LRRN2: variants seen among roughly 807,000 people sequenced by gnomAD.
The protein encoded by LRRN2 is leucine-rich repeat neuronal protein 2.
In LRRN2, 10 loss-of-function variants were observed where a neutral mutation model predicts 35.7. That is an observed-to-expected ratio of 0.28 (90% CI 0.17 to 0.47). The LOEUF is 0.47. Ranked by LOEUF, LRRN2 falls within the 20% of genes least tolerant of loss-of-function variation. The pLI is 0.99. For missense variants in LRRN2, 731 were observed against 940.3 expected (o/e 0.78, Z 2.91); for synonymous variants, 391 against 409.6 (o/e 0.95, Z 0.55).
At chr1:204,623,036 G>A (rs562484773) in intron 1 of LRRN2, among the ~76,000 whole-genome samples, 1 of 152,234 alleles carries the variant, frequency 6.6e-6, no homozygotes, top group South Asian at 2.1e-4. Flanking sequence ...AATAGAAGTT[G>A]GCTCCTAGGA....
intron 1 of LRRN2, among the ~76,000 whole-genome samples, chr1:204,657,786 TATA>T (rs1427471581): frequency 6.6e-6 from 1 of 152,142 alleles, no homozygotes; most frequent in African/African-American, 2.4e-5. Flanking sequence ...CTTTTGTGGG[TATA>T]ATGTCGTCTC....
intron 1 of LRRN2, among the ~76,000 whole-genome samples, chr1:204,665,296 G>A (rs1229192570): frequency 6.6e-6 from 1 of 152,128 alleles, no homozygotes; most frequent in African/African-American, 2.4e-5. Flanking sequence ...CTTCTTTAAA[G>A]TCTCATTTTT....
rs761785717 is a variant in LRRN2 at position 204,619,197 on chromosome 1, G to A, written c.796C>T (p.Leu266=). Residue 266 remains leucine (L), a synonymous_variant, in exon 2 of 2, where the codon CTA becomes TTA. Coordinates refer to ENST00000367177, the MANE Select transcript of LRRN2 (RefSeq NM_201630.2). ...TGGAGCGGGTTCTTGTTGAGGTCTAGGAACTTGAGCCCGGGCACCTGTTCC... is the reference window on the plus strand; with the variant it reads ...TGGAGCGGGTTCTTGTTGAGGTCTAAGAACTTGAGCCCGGGCACCTGTTCC... ...ALEQVPGLKF[L]DLNKNPLQRV... 6.2e-7 allele frequency: 1 copy of A among 1,614,086 alleles called. No individual in the cohort carries two copies. Among genetic ancestry groups the A allele is most frequent in the Non-Finnish European group, 8.5e-7 (1 of 1,180,018 alleles).
At chr1:204,667,828 C>A (rs777009394) in intron 1 of LRRN2, among the ~76,000 whole-genome samples, 1 of 152,148 alleles carries the variant, frequency 6.6e-6, no homozygotes, top group Non-Finnish European at 1.5e-5. Context: ...GGCTGAGCAA[C>A]TGGGGACAAC....
chr1:204,679,615 G>A (rs1424807693), intron 1 of LRRN2, among the ~76,000 whole-genome samples: 1 of 152,128 alleles, frequency 6.6e-6, no homozygotes, highest in African/African-American at 2.4e-5. Flanking sequence ...TGAAATACAC[G>A]AGTCTGCCTT....
At chr1:204,632,661 G>A (rs536931209) in intron 1 of LRRN2, among the ~76,000 whole-genome samples, 1 of 147,070 alleles carries the variant, frequency 6.8e-6, no homozygotes, top group African/African-American at 2.5e-5. Context: ...GCCACGCGCA[G>A]TGGCCCACAC....
chr1:204,669,205 C>T (rs916888834), intron 1 of LRRN2, among the ~76,000 whole-genome samples: 1 of 152,212 alleles, frequency 6.6e-6, no homozygotes, highest in African/African-American at 2.4e-5. Context: ...ACACTGGAAA[C>T]TCAAAGTGAA....
Position 204,631,280 on chromosome 1 carries a change from A to T in LRRN2, c.-226-11062T>A, listed in dbSNP as rs1286059401. 5.8e-5 allele frequency among the ~76,000 whole-genome samples: 5 copies of T among 86,912 alleles called. No homozygotes were observed. In the East Asian group the frequency reaches 1.7e-3, roughly 30 times the overall value. The allele number at this position is 86,912 out of a possible 152,430, so 57.0% of individuals were successfully genotyped here. A position where few individuals can be genotyped will look rare whatever the true frequency, so the allele number is the denominator to read the frequency against. ...TCTATATATATATATATATATATAT[A>T]TATATATATATATATATATATATGA... is the stretch of plus-strand genomic sequence containing the variant. On this transcript the variant is annotated intron_variant, in intron 1 of 1. Transcript: ENST00000367177.
At chr1:204,645,581 G>A (rs1399275959) in intron 1 of LRRN2, among the ~76,000 whole-genome samples, 3 of 152,186 alleles carry the variant, frequency 2.0e-5, no homozygotes, top group East Asian at 1.9e-4. Context: ...CCATCTCCAT[G>A]TACTGATAAG....
chr1:204,679,376 G>A (rs1490167864), intron 1 of LRRN2, among the ~76,000 whole-genome samples: 5 of 152,340 alleles, frequency 3.3e-5, no homozygotes, highest in African/African-American at 1.2e-4. Flanking sequence ...ACGTTTGAAT[G>A]CTTATTTTGA....
At chr1:204,676,885 A>G (rs1050684131) in intron 1 of LRRN2, among the ~76,000 whole-genome samples, 1 of 152,180 alleles carries the variant, frequency 6.6e-6, no homozygotes, top group Non-Finnish European at 1.5e-5. Context: ...GGAGTCAGAA[A>G]GATTTGGGGG....
intron 1 of LRRN2, among the ~76,000 whole-genome samples, chr1:204,660,037 A>G (rs545653981): frequency 6.6e-6 from 1 of 152,282 alleles, no homozygotes; most frequent in South Asian, 2.1e-4. Flanking sequence ...TTGACACTTT[A>G]CCAAGAACCA....
At chr1:204,629,140 C>G (rs937936160) in intron 1 of LRRN2, 2 of 151,852 alleles carry the variant, frequency 1.3e-5, no homozygotes, top group Non-Finnish European at 2.9e-5. Flanking sequence ...GAGGCAAGGG[C>G]GGGGGGAAGG....
chr1:204,642,248 G>T (rs1343544215), intron 1 of LRRN2, among the ~76,000 whole-genome samples: 1 of 152,154 alleles, frequency 6.6e-6, no homozygotes, highest in African/African-American at 2.4e-5. Flanking sequence ...CATTTCTCTA[G>T]CACCTCTCTC....
chr1:204,617,755 A>C lies in LRRN2; in HGVS notation c.*96T>G. ...TGCCAGGCCTCAAGCACGTGGGTCCATGTCCCTTTCCTGGCAGGGCATCTG... is the reference window on the plus strand; with the variant it reads ...TGCCAGGCCTCAAGCACGTGGGTCCCTGTCCCTTTCCTGGCAGGGCATCTG... On this transcript the variant is annotated 3_prime_UTR_variant, in exon 2 of 2. Coordinates refer to ENST00000367177, the MANE Select transcript of LRRN2 (RefSeq NM_201630.2). The C allele has an allele frequency of 7.2e-7, 1 of 1,391,920 alleles. No individual in the cohort carries two copies. The highest frequency in any genetic ancestry group is 2.3e-5 in the East Asian group (1 of 43,800). The allele number at this position is 1,391,920 out of a possible 1,614,324, so 86.2% of individuals were successfully genotyped here.
intron 1 of LRRN2, among the ~76,000 whole-genome samples, chr1:204,634,304 G>A (rs890454265): frequency 2.0e-5 from 3 of 152,248 alleles, no homozygotes; most frequent in Non-Finnish European, 4.4e-5. Flanking sequence ...AATAGAAGAC[G>A]TGGAGGAGAG....
At chr1:204,643,567 G>A (rs1467713232) in intron 1 of LRRN2, among the ~76,000 whole-genome samples, 2 of 152,040 alleles carry the variant, frequency 1.3e-5, no homozygotes, top group East Asian at 3.9e-4. Context: ...ATGAGGTTGG[G>A]GTGCAGCCGA....
At chr1:204,622,550 A>G (rs1666978277) in intron 1 of LRRN2, among the ~76,000 whole-genome samples, 1 of 152,204 alleles carries the variant, frequency 6.6e-6, no homozygotes, top group African/African-American at 2.4e-5. Context: ...ACATGTGTAC[A>G]CATGCATGCA....
chr1:204,649,153 CAA>C (rs1017799464), intron 1 of LRRN2, among the ~76,000 whole-genome samples: 7 of 152,222 alleles, frequency 4.6e-5, no homozygotes, highest in African/African-American at 1.7e-4. Context: ...GGCGGCGACT[CAA>C]AGAGGTGAAT....
Sources: gnomAD v4.1 joint callset for allele counts (sites outside exome capture counted in the v4.1 genomes callset) on GRCh38, gnomAD v4.1.1 for gene constraint, MANE v1.5 for transcripts, NCBI Gene and HGNC (gene_info 2026-07-23, HGNC 2026-07-21) for gene names.